Variants in ZC3H6 observed in about 807,000 individuals in gnomAD.
ZC3H6 encodes the protein zinc finger CCCH domain-containing protein 6.
A neutral mutation model predicts 107.7 loss-of-function variants in ZC3H6; 40 were observed. That is an observed-to-expected ratio of 0.37 (90% CI 0.29 to 0.48). The LOEUF (loss-of-function observed/expected upper bound fraction) is 0.48. ZC3H6 is among the 20% of genes least tolerant of loss of function. The pLI, the probability that ZC3H6 is intolerant of heterozygous loss-of-function variation, is 0.98. For synonymous variants in ZC3H6, 493 were observed against 487.9 expected (o/e 1.01, Z -0.14); for missense variants, 1,267 against 1,410.4 (o/e 0.90, Z 1.63).
intron 1 of ZC3H6, among the ~76,000 whole-genome samples, chr2:112,299,072 T>C (rs929980129): frequency 2.0e-5 from 3 of 152,140 alleles, no homozygotes; most frequent in African/African-American, 7.2e-5. Flanking sequence ...GGTCAGGAGA[T>C]TGAGACCATC....
intron 1 of ZC3H6, among the ~76,000 whole-genome samples, chr2:112,295,790 T>TTAA (rs1174227087): frequency 6.6e-6 from 1 of 152,240 alleles, no homozygotes; most frequent in Non-Finnish European, 1.5e-5. Context: ...CAGTGTTTTA[T>TTAA]ATCTCGTAAC....
intron 1 of ZC3H6, 35 bp downstream of exon 1, chr2:112,276,061 T>G: frequency 6.5e-7 from 1 of 1,535,222 alleles, no homozygotes; most frequent in Non-Finnish European, 8.8e-7. Flanking sequence ...TTCTGTCGGA[T>G]GAGAGGAGGG....
intron 1 of ZC3H6, among the ~76,000 whole-genome samples, chr2:112,278,430 G>C (rs1686467947): frequency 6.6e-6 from 1 of 152,166 alleles, no homozygotes; most frequent in Non-Finnish European, 1.5e-5. Context: ...CCATTCTCCT[G>C]CCTCAGCCTC....
chr2:112,289,886 A>T (rs1480062996), intron 1 of ZC3H6, among the ~76,000 whole-genome samples: 3 of 151,938 alleles, frequency 2.0e-5, no homozygotes, highest in Non-Finnish European at 4.4e-5. Context: ...AGCCACAGCC[A>T]CGCACCTAAC....
Position 112,304,122 on chromosome 2 carries a change from G to GT in ZC3H6, c.336+779dup, listed in dbSNP as rs376140374. Among the ~76,000 whole-genome samples, 74 of 151,912 alleles carry GT rather than the reference G, an allele frequency of 4.9e-4. No individual in the cohort carries two copies. The East Asian group carries it at 6.9e-3, about 14-fold the overall frequency. On this transcript the variant is annotated intron_variant, in intron 3 of 11. Transcript: ENST00000409871. ...TTTCTCTACATCCTTGCCAACGTGT[G>GT]TTTTTTTTCTTTGTTTTCTTTTGGA...
chr2:112,316,201 G>A (rs1430594772), intron 5 of ZC3H6, among the ~76,000 whole-genome samples: 1 of 151,970 alleles, frequency 6.6e-6, no homozygotes, highest in African/African-American at 2.4e-5. Context: ...ATTGAGAATT[G>A]TGAATTTTTA....
intron 4 of ZC3H6, 39 bp downstream of exon 4, chr2:112,310,200 C>A (rs773430567): frequency 6.3e-7 from 1 of 1,576,254 alleles, no homozygotes; most frequent in Non-Finnish European, 8.6e-7. Flanking sequence ...AATGTGAGAA[C>A]CTTATTAAAA....
At chr2:112,316,693 T>C (rs1431340207) in intron 6 of ZC3H6, 107 bp downstream of exon 6, 1 of 641,072 alleles carries the variant, frequency 1.6e-6, no homozygotes, top group Admixed American at 3.5e-5. Flanking sequence ...ATAGTTGTAA[T>C]AAAACTGGGT....
chr2:112,304,058 A>G (rs1676432059), intron 3 of ZC3H6, among the ~76,000 whole-genome samples: 1 of 152,232 alleles, frequency 6.6e-6, no homozygotes, highest in Non-Finnish European at 1.5e-5. Flanking sequence ...AAGTATAAAA[A>G]TACATTTACA....
At chr2:112,279,678 A>G (rs1686493301) in intron 1 of ZC3H6, among the ~76,000 whole-genome samples, 2 of 152,178 alleles carry the variant, frequency 1.3e-5, no homozygotes, top group South Asian at 4.2e-4. Flanking sequence ...ACTGCACTGG[A>G]GAACCTGAAA....
In ZC3H6 at chr2:112,303,325, A is replaced by T; in HGVS notation, c.310A>T (p.Arg104Trp). ...CCATAAAAAAAGAACTGGTTTCTAC[A>T]GGGATTATGACATTCCATTTACTCA... ...SSHKKRTGFY[R>W]DYDIPFTQRG... The change falls in exon 3 of 12, where the codon AGG (arginine) becomes TGG (tryptophan). Residue 104 changes from arginine to tryptophan, a missense_variant. By Grantham distance (101) the Arg-to-Trp change is moderately radical. Around this residue, in one of 3 missense-constraint regions of ZC3H6, gnomAD observed 337 missense variants for 361.2 expected, o/e 0.93. Transcript: ENST00000409871. 1 of 1,613,334 alleles carries T rather than the reference A, an allele frequency of 6.2e-7. No individual in the cohort carries two copies. The highest frequency in any genetic ancestry group is 8.5e-7 in the Non-Finnish European group (1 of 1,179,458).
At chr2:112,297,421 C>G (rs1338645446) in intron 1 of ZC3H6, among the ~76,000 whole-genome samples, 1 of 152,180 alleles carries the variant, frequency 6.6e-6, no homozygotes, top group Non-Finnish European at 1.5e-5. Flanking sequence ...GCCATTTATA[C>G]ATAGACAGTT....
At chr2:112,313,931 T>C (rs936769554) in intron 5 of ZC3H6, among the ~76,000 whole-genome samples, 1 of 152,200 alleles carries the variant, frequency 6.6e-6, no homozygotes, top group African/African-American at 2.4e-5. Context: ...TTTCACTGAA[T>C]TTTAAAGGCT....
At chr2:112,288,661 A>G (rs1251610919) in intron 1 of ZC3H6, among the ~76,000 whole-genome samples, 1 of 152,232 alleles carries the variant, frequency 6.6e-6, no homozygotes, top group Non-Finnish European at 1.5e-5. Context: ...AATTAGTTTT[A>G]ACATGCCACT....
intron 3 of ZC3H6, 125 bp downstream of exon 3, chr2:112,303,476 A>G (rs1008801455): frequency 6.2e-6 from 4 of 641,752 alleles, no homozygotes; most frequent in Non-Finnish European, 1.0e-5. Context: ...ATCACCACTT[A>G]TCCATTTCTA....
In ZC3H6 at chr2:112,337,215, G is replaced by A. The variant is rs1677148610; in HGVS notation, c.*4727G>A. 6.6e-6 allele frequency: 1 copy of A among 151,828 alleles called. No homozygotes were observed. Among genetic ancestry groups the A allele is most frequent in the Non-Finnish European group, 1.5e-5 (1 of 67,982 alleles). 9.4% of individuals were successfully genotyped at this position (151,828 alleles called of 1,614,324 possible). Reference sequence around the variant, plus strand: ...CTCCAGACTTACAAGATTACTTCATGGTGAAAGTTTGGATTGATCAATAAT... The same window carrying A: ...CTCCAGACTTACAAGATTACTTCATAGTGAAAGTTTGGATTGATCAATAAT... On this transcript the variant is annotated 3_prime_UTR_variant, in exon 12 of 12. Coordinates refer to ENST00000409871, the MANE Select transcript of ZC3H6 (RefSeq NM_198581.3).
At chr2:112,304,124 T>A (rs1036767347) in intron 3 of ZC3H6, among the ~76,000 whole-genome samples, 7 of 152,226 alleles carry the variant, frequency 4.6e-5, no homozygotes, top group African/African-American at 1.7e-4. Context: ...CAACGTGTGT[T>A]TTTTTTCTTT....
intron 1 of ZC3H6, among the ~76,000 whole-genome samples, chr2:112,290,980 T>A (rs1676102167): frequency 6.6e-6 from 1 of 152,252 alleles, no homozygotes; most frequent in Non-Finnish European, 1.5e-5. Flanking sequence ...GAAATTTCTC[T>A]CTGATCTTAC....
rs1686405019 is a variant in ZC3H6, at chr2:112,275,877, A to C, written c.-118A>C. ...AACCGTGAGTTTTTACCACTTCGTC[A>C]CCTGTCGGCGGCGGCCGGGAGCAGG... On this transcript the variant is annotated 5_prime_UTR_variant, in exon 1 of 12. Coordinates refer to ENST00000409871, the MANE Select transcript of ZC3H6 (RefSeq NM_198581.3). 2 of 756,946 alleles carry C rather than the reference A, an allele frequency of 2.6e-6. No homozygotes were observed. The highest frequency in any genetic ancestry group is 4.1e-6 in the Non-Finnish European group (2 of 483,232). The allele number at this position is 756,946 out of a possible 1,614,324, so 46.9% of individuals were successfully genotyped here.
Sources: allele counts gnomAD v4.1 joint callset (sites outside exome capture counted in the v4.1 genomes callset), GRCh38; gene constraint gnomAD v4.1.1; regional missense constraint gnomAD v4.1.1; transcripts MANE v1.5; gene names NCBI Gene and HGNC (gene_info 2026-07-23, HGNC 2026-07-21).